The following BBS9 variants were observed in gnomAD, a reference collection of about 807,000 sequenced individuals.
BBS9 encodes the protein protein PTHB1.
Under a neutral mutation model 117.7 loss-of-function variants are expected in BBS9, and 89 were observed. The ratio of observed to expected loss-of-function variants is 0.76; its 90% CI spans 0.64 to 0.90. The LOEUF (loss-of-function observed/expected upper bound fraction) is 0.90. BBS9 is among the 40% of genes least tolerant of loss of function. The pLI is 0.00. For synonymous variants in BBS9, 379 were observed against 370.9 expected, an observed-to-expected ratio of 1.02 and a Z score of -0.25; for missense variants, 982 against 1,042.2, an observed-to-expected ratio of 0.94 and a Z score of 0.80.
chr7:33,231,178 C>CTT (rs548044783), intron 5 of BBS9, among the ~76,000 whole-genome samples: 2 of 150,836 alleles, frequency 1.3e-5, no homozygotes, highest in African/African-American at 2.4e-5. Context: ...TTCTGTCACC[C>CTT]TTTTTTTTTG....
intron 5 of BBS9, among the ~76,000 whole-genome samples, chr7:33,230,950 G>C (rs1220904698): frequency 6.6e-6 from 1 of 152,122 alleles, no homozygotes; most frequent in Non-Finnish European, 1.5e-5. Context: ...TAGTGGGATT[G>C]CTGGGTCTTA....
intron 4 of BBS9, among the ~76,000 whole-genome samples, chr7:33,175,312 A>T (rs1421270032): frequency 2.0e-5 from 3 of 151,736 alleles, no homozygotes; most frequent in Admixed American, 6.6e-5. Context: ...AAAAATAAAA[A>T]TAAAAAAAAA....
intron 9 of BBS9, among the ~76,000 whole-genome samples, chr7:33,317,790 G>A (rs542541594): frequency 5.3e-5 from 8 of 152,092 alleles, no homozygotes; most frequent in African/African-American, 9.7e-5. Flanking sequence ...AGTGGCTCAC[G>A]CCTGTAAGCT....
intron 5 of BBS9, among the ~76,000 whole-genome samples, chr7:33,238,773 T>C (rs2128279031): frequency 6.6e-6 from 1 of 152,308 alleles, no homozygotes; most frequent in Middle Eastern, 3.4e-3. Flanking sequence ...GGATTCATAT[T>C]GTATTTATTA....
At chr7:33,190,743 G>A (rs949308882) in intron 5 of BBS9, among the ~76,000 whole-genome samples, 1 of 152,144 alleles carries the variant, frequency 6.6e-6, no homozygotes, top group Non-Finnish European at 1.5e-5. Flanking sequence ...CAACTCACAG[G>A]CTCTGGTTGG....
intron 18 of BBS9, among the ~76,000 whole-genome samples, chr7:33,384,605 C>T (rs1448176549): frequency 6.6e-6 from 1 of 151,828 alleles, no homozygotes; most frequent in Non-Finnish European, 1.5e-5. Flanking sequence ...ACAGACAATA[C>T]AAGAGGGGAA....
intron 4 of BBS9, among the ~76,000 whole-genome samples, chr7:33,156,765 C>T (rs1794149445): frequency 6.6e-6 from 1 of 152,174 alleles, no homozygotes; most frequent in Non-Finnish European, 1.5e-5. Context: ...GTCCCCTTCT[C>T]TGTTACCACT....
intron 21 of BBS9, among the ~76,000 whole-genome samples, chr7:33,587,033 C>T (rs900988465): frequency 5.9e-5 from 9 of 151,988 alleles, no homozygotes; most frequent in East Asian, 1.9e-4. Flanking sequence ...CATGTACCCC[C>T]GATTCTAAAA....
chr7:33,158,894 A>G (rs1247935489), intron 4 of BBS9, among the ~76,000 whole-genome samples: 1 of 152,194 alleles, frequency 6.6e-6, no homozygotes, highest in Non-Finnish European at 1.5e-5. Context: ...CCACATGGTA[A>G]AAGACGATTT....
chr7:33,590,459 G>GTTTTTTTGTTTTTT (rs1554551689), intron 21 of BBS9, among the ~76,000 whole-genome samples: 7 of 101,502 alleles, frequency 6.9e-5, no homozygotes, highest in East Asian at 2.9e-4. Flanking sequence ...TTGTTTTTTT[G>GTTTTTTTGTTTTTT]TTTTTTTTTT....
At chr7:33,335,360 A>G (rs1286776623) in intron 9 of BBS9, among the ~76,000 whole-genome samples, 2 of 152,094 alleles carry the variant, frequency 1.3e-5, no homozygotes, top group Admixed American at 6.6e-5. Flanking sequence ...ACTGTGCCCA[A>G]TTTATTATTT....
intron 17 of BBS9, among the ~76,000 whole-genome samples, chr7:33,374,447 T>TATA (rs10678831): frequency 0.029 from 4,354 of 152,264 alleles, 197 homozygotes; most frequent in African/African-American, 0.094. Context: ...GATTCAGCAA[T>TATA]ATATTACTGT....
At chr7:33,597,872 C>CAAAAAAAAAAAAAA (rs61054119) in intron 21 of BBS9, among the ~76,000 whole-genome samples, 1 of 119,396 alleles carries the variant, frequency 8.4e-6, no homozygotes, top group African/African-American at 3.1e-5. Flanking sequence ...GCATGTATAC[C>CAAAAAAAAAAAAAA]AAAAAAAAAA....
At chr7:33,157,767 T>C (rs939747296) in intron 4 of BBS9, 4 of 152,244 alleles carry the variant, frequency 2.6e-5, no homozygotes, top group Non-Finnish European at 5.9e-5. Flanking sequence ...GTCAGTCTCC[T>C]GGACATACCT....
At chr7:33,315,301 C>A (rs140042887) in intron 9 of BBS9, among the ~76,000 whole-genome samples, 101 of 152,276 alleles carry the variant, frequency 6.6e-4, no homozygotes, top group Non-Finnish European at 1.1e-3. Context: ...CTAGTAGACT[C>A]ATCATTGCAG....
chr7:33,351,167 A>G (rs1818574462), intron 13 of BBS9, 52 bp from the exon 14 acceptor site: 7 of 1,251,858 alleles, frequency 5.6e-6, no homozygotes, highest in Non-Finnish European at 7.0e-6. Context: ...ACTGTTGTTA[A>G]TAACAGTTGC....
chr7:33,537,225 C>G (rs1223656061), intron 21 of BBS9, among the ~76,000 whole-genome samples: 1 of 152,126 alleles, frequency 6.6e-6, no homozygotes, highest in Non-Finnish European at 1.5e-5. Flanking sequence ...GAATAAAAAA[C>G]CTTTGGTCTT....
intron 21 of BBS9, among the ~76,000 whole-genome samples, chr7:33,634,565 C>T (rs1866053616): frequency 1.3e-5 from 2 of 152,148 alleles, no homozygotes; most frequent in Admixed American, 1.3e-4. Context: ...TGTCAGATGC[C>T]CCTACCCTCA....
chr7:33,634,420 A>G (rs914947995), intron 21 of BBS9, among the ~76,000 whole-genome samples: 1 of 152,188 alleles, frequency 6.6e-6, no homozygotes, highest in East Asian at 1.9e-4. Flanking sequence ...CTGTCTGTGA[A>G]GCAGAGATAA....
Sources: allele counts gnomAD v4.1 joint callset (sites outside exome capture counted in the v4.1 genomes callset), GRCh38; gene constraint gnomAD v4.1.1; transcripts MANE v1.5; gene names NCBI Gene and HGNC (gene_info 2026-07-23, HGNC 2026-07-21).